FLI1: variants seen among roughly 807,000 people sequenced by gnomAD.
The protein encoded by FLI1 is Fli-1 proto-oncogene, ETS transcription factor.
A neutral mutation model predicts 53.1 loss-of-function variants in FLI1; 13 were observed. That is an observed-to-expected ratio of 0.24 (90% CI 0.16 to 0.39). The LOEUF is 0.39. Ranked by LOEUF, FLI1 falls within the 10% of genes least tolerant of loss-of-function variation. The pLI is 1.00. For missense variants in FLI1, 424 were observed against 600.5 expected (o/e 0.71, Z 3.07); for synonymous variants, 244 against 236.7 (o/e 1.03, Z -0.28).
intron 4 of FLI1, among the ~76,000 whole-genome samples, chr11:128,778,380 C>G (rs541248569): frequency 6.6e-6 from 1 of 152,222 alleles, no homozygotes; most frequent in Non-Finnish European, 1.5e-5. Flanking sequence ...GCTTCCTCCA[C>G]AAAACTAACC....
chr11:128,717,614 A>G (rs1472253459), intron 1 of FLI1, among the ~76,000 whole-genome samples: 1 of 152,158 alleles, frequency 6.6e-6, no homozygotes, highest in African/African-American at 2.4e-5. Flanking sequence ...ACCCAGGAGT[A>G]TATATTGCAA....
At chr11:128,782,058 T>C in intron 5 of FLI1, 35 bp downstream of exon 5, 1 of 1,541,362 alleles carries the variant, frequency 6.5e-7, no homozygotes, top group Non-Finnish European at 9.0e-7. Context: ...AAAATTTTCT[T>C]CTGTACCAGA....
chr11:128,703,873 A>G (rs1938445280), intron 1 of FLI1, among the ~76,000 whole-genome samples: 1 of 149,850 alleles, frequency 6.7e-6, no homozygotes, highest in South Asian at 2.1e-4. Flanking sequence ...ACAAACGTTA[A>G]GAGAGACACA....
intron 5 of FLI1, among the ~76,000 whole-genome samples, chr11:128,800,803 A>G (rs975466265): frequency 6.6e-6 from 1 of 152,212 alleles, no homozygotes; most frequent in African/African-American, 2.4e-5. Flanking sequence ...TTCATTCTCC[A>G]GACTGAGGCT....
chr11:128,751,367 T>A (rs1230541100), intron 1 of FLI1, among the ~76,000 whole-genome samples: 1 of 151,634 alleles, frequency 6.6e-6, no homozygotes, highest in African/African-American at 2.4e-5. Context: ...ACTTTTTTTT[T>A]TTTTTTGAGA....
At chr11:128,694,332 G>A (rs1247553926) in intron 1 of FLI1, 56 bp downstream of exon 1, 21 of 1,282,302 alleles carry the variant, frequency 1.6e-5, no homozygotes, top group Admixed American at 3.9e-5. Flanking sequence ...AGGCGAAGCG[G>A]CGGGCGGGTA....
At chr11:128,730,539 T>C (rs574318068) in intron 1 of FLI1, among the ~76,000 whole-genome samples, 1 of 152,214 alleles carries the variant, frequency 6.6e-6, no homozygotes, top group Non-Finnish European at 1.5e-5. Context: ...AAAGAAGGGC[T>C]CTGGAACAGA....
At position 128,758,214 on chromosome 11, in the gene FLI1, C is replaced by T; in HGVS notation, c.118C>T (p.Pro40Ser). 1 of 1,613,298 alleles carries T rather than the reference C, an allele frequency of 6.2e-7. No individual in the cohort carries two copies. Among genetic ancestry groups the T allele is most frequent in the South Asian group, 1.1e-5 (1 of 90,906 alleles). ...PKADMTASGS[P>S]DYGQPHKINP... ...GGCCGACATGACTGCCTCGGGGAGTCCTGACTACGGGCAGCCCCACAAGAT... is the reference window on the plus strand; with the variant it reads ...GGCCGACATGACTGCCTCGGGGAGTTCTGACTACGGGCAGCCCCACAAGAT... The change falls in exon 2 of 9, where the codon CCT becomes TCT. Residue 40 changes from proline to serine, a missense_variant. Physicochemically the swap from Pro to Ser is moderately conservative, Grantham distance 74 (BLOSUM62 -1). This residue lies in a region of FLI1 where 137 missense variants were observed against 169.1 expected (regional missense o/e 0.81). Transcript: ENST00000527786.
intron 4 of FLI1, among the ~76,000 whole-genome samples, chr11:128,781,308 T>A (rs1192193343): frequency 6.6e-6 from 1 of 152,186 alleles, no homozygotes; most frequent in Non-Finnish European, 1.5e-5. Context: ...AGGACCCATA[T>A]GTACATAAAC....
At chr11:128,780,219 A>G (rs1941865653) in intron 4 of FLI1, among the ~76,000 whole-genome samples, 1 of 152,220 alleles carries the variant, frequency 6.6e-6, no homozygotes, top group Admixed American at 6.5e-5. Context: ...TTTGGCATAC[A>G]GCGGGCTCAA....
intron 1 of FLI1, among the ~76,000 whole-genome samples, chr11:128,717,737 G>T (rs1053893754): frequency 7.9e-5 from 12 of 152,226 alleles, no homozygotes; most frequent in African/African-American, 2.9e-4. Context: ...GTTTGAACAG[G>T]TTTACAAAGC....
intron 2 of FLI1, chr11:128,764,747 C>T (rs1363345880): frequency 6.9e-6 from 11 of 1,583,418 alleles, no homozygotes; most frequent in Non-Finnish European, 7.7e-6. Context: ...GCACGCAGGG[C>T]TTGCGCTGGC....
At position 128,798,017 on chromosome 11, in the gene FLI1, T is replaced by C. The variant is rs1410887237; in HGVS notation, c.656-7349T>C. Among the ~76,000 whole-genome samples, 3 of 152,052 alleles carry C rather than the reference T, an allele frequency of 2.0e-5. No homozygotes were observed. The East Asian group carries it at 5.8e-4, about 29-fold the overall frequency. ...ATGGCCAAGGAGAAGAAGGGCAACC[T>C]CGCTGTGAACATTGCAACCTATGAG... On this transcript the variant is annotated intron_variant, in intron 5 of 8. Transcript: ENST00000527786.
intron 1 of FLI1, among the ~76,000 whole-genome samples, chr11:128,750,726 T>C (rs918906151): frequency 1.3e-5 from 2 of 152,168 alleles, no homozygotes; most frequent in Admixed American, 6.5e-5. Flanking sequence ...ACTCAACTCA[T>C]GTGCACATGA....
intron 1 of FLI1, among the ~76,000 whole-genome samples, chr11:128,743,028 C>T (rs1173383836): frequency 6.6e-6 from 1 of 152,088 alleles, no homozygotes; most frequent in Non-Finnish European, 1.5e-5. Flanking sequence ...TCATGAACAT[C>T]ACCAACCTAT....
At chr11:128,703,262 A>C (rs1938414974) in intron 1 of FLI1, among the ~76,000 whole-genome samples, 1 of 152,220 alleles carries the variant, frequency 6.6e-6, no homozygotes, top group African/African-American at 2.4e-5. Context: ...ATCTTTCCAC[A>C]GAGCAACATC....
chr11:128,796,697 G>T (rs1335702915), intron 5 of FLI1, among the ~76,000 whole-genome samples: 1 of 152,232 alleles, frequency 6.6e-6, no homozygotes, highest in Non-Finnish European at 1.5e-5. Flanking sequence ...GCTCTTGGCC[G>T]GGCGTGGTGG....
chr11:128,771,411 C>G (rs1941551715), intron 3 of FLI1, among the ~76,000 whole-genome samples: 1 of 152,342 alleles, frequency 6.6e-6, no homozygotes, highest in East Asian at 1.9e-4. Context: ...ACATAAAAAC[C>G]AAGGTGGAAT....
At chr11:128,739,610 G>C (rs2510121) in intron 1 of FLI1, among the ~76,000 whole-genome samples, 33,403 of 152,094 alleles carry the variant, frequency 0.22, 4,451 homozygotes, top group South Asian at 0.31. Context: ...GGGAGGCAGT[G>C]GTGTGGGCAG....
Sources: allele counts gnomAD v4.1 joint callset (sites outside exome capture counted in the v4.1 genomes callset), GRCh38; gene constraint gnomAD v4.1.1; regional missense constraint gnomAD v4.1.1; transcripts MANE v1.5; gene names NCBI Gene and HGNC (gene_info 2026-07-23, HGNC 2026-07-21).